Variants in LARGE1 observed in about 807,000 individuals in gnomAD.
LARGE1 encodes the protein LARGE xylosyl- and glucuronyltransferase 1.
A neutral mutation model predicts 87.6 loss-of-function variants in LARGE1; 43 were observed. The ratio of observed to expected loss-of-function variants is 0.49; its 90% confidence interval spans 0.38 to 0.63. LARGE1 has a LOEUF of 0.63. LARGE1 is among the 30% of genes least tolerant of loss of function. LARGE1 has a pLI of 0.00. For synonymous variants in LARGE1, 434 were observed against 394.6 expected (o/e 1.10, Z -1.18); for missense variants, 802 against 1,000.2 (o/e 0.80, Z 2.67).
chr22:33,671,816 T>C (rs2081422753), intron 2 of LARGE1, among the ~76,000 whole-genome samples: 1 of 152,216 alleles, frequency 6.6e-6, no homozygotes, highest in South Asian at 2.1e-4. Flanking sequence ...ATCGCCAAGG[T>C]CTGATTGCAA....
intron 11 of LARGE1, among the ~76,000 whole-genome samples, chr22:33,223,081 C>T (rs1202097781): frequency 6.6e-6 from 1 of 152,180 alleles, no homozygotes; most frequent in Non-Finnish European, 1.5e-5. Context: ...GTGCCTTATT[C>T]AGGGTTAGTT....
At chr22:33,166,609 A>G (rs1464193824) in exon 12 of LARGE1, 4 of 376,904 alleles carry the variant, frequency 1.1e-5, no homozygotes, top group African/African-American at 8.5e-5. Context: ...GATGATGTTC[A>G]CCTGGCATGT....
At chr22:33,297,906 G>C (rs1033661610) in intron 12 of LARGE1, among the ~76,000 whole-genome samples, 3 of 149,014 alleles carry the variant, frequency 2.0e-5, no homozygotes, top group African/African-American at 7.4e-5. Context: ...CTTGAACCCG[G>C]GAGGCAGAGG....
rs1026355810 is a variant in LARGE1, at chr22:33,628,005, G to C, written c.409-1679C>G. On this transcript the variant is annotated intron_variant, in intron 3 of 14. Coordinates refer to ENST00000397394, the MANE Select transcript of LARGE1 (RefSeq NM_133642.5). Reference sequence around the variant, plus strand: ...GAACCATCACCCCACTCTGCTCTCAGCTCCCGTATGCACTCTACCCCCACA... The same window carrying C: ...GAACCATCACCCCACTCTGCTCTCACCTCCCGTATGCACTCTACCCCCACA... Among the ~76,000 whole-genome samples, 30 of 152,080 alleles carry C rather than the reference G, an allele frequency of 2.0e-4. 2 individuals carry two copies.
At chr22:33,868,678 T>C (rs1250451930) in intron 1 of LARGE1, among the ~76,000 whole-genome samples, 3 of 152,152 alleles carry the variant, frequency 2.0e-5, no homozygotes, top group Admixed American at 6.5e-5. Flanking sequence ...TGCCTCTTAT[T>C]AAAAACTCCT....
intron 5 of LARGE1, among the ~76,000 whole-genome samples, chr22:33,583,256 A>T (rs936660482): frequency 2.0e-5 from 3 of 152,210 alleles, no homozygotes; most frequent in Non-Finnish European, 4.4e-5. Flanking sequence ...GTCAGCTGTA[A>T]AAATGAATCT....
At chr22:33,538,029 T>C (rs2077090291) in intron 6 of LARGE1, among the ~76,000 whole-genome samples, 1 of 152,214 alleles carries the variant, frequency 6.6e-6, no homozygotes, top group Non-Finnish European at 1.5e-5. Context: ...CTTGCAGGCC[T>C]GCTTCCGGTG....
chr22:33,759,984 C>T (rs1358962023), intron 2 of LARGE1, among the ~76,000 whole-genome samples: 1 of 152,202 alleles, frequency 6.6e-6, no homozygotes, highest in East Asian at 1.9e-4. Context: ...CCTGAGCCCT[C>T]CCTGCTAGAC....
chr22:33,445,974 C>T (rs2067673176), intron 6 of LARGE1, among the ~76,000 whole-genome samples: 1 of 152,104 alleles, frequency 6.6e-6, no homozygotes, highest in Non-Finnish European at 1.5e-5. Flanking sequence ...CTTACTAGGC[C>T]CCTAGAGAGC....
chr22:33,676,372 CAAAAAAAAAAAAAAAAA>C (rs10567981), intron 2 of LARGE1, among the ~76,000 whole-genome samples: 497 of 16,342 alleles, frequency 0.03, 14 homozygotes, highest in African/African-American at 0.067. Flanking sequence ...GATTCAATGG[CAAAAAAAAAAAAAAAAA>C]AAAAAAAAAA....
intron 10 of LARGE1, among the ~76,000 whole-genome samples, chr22:33,319,858 T>C (rs905457545): frequency 6.6e-5 from 10 of 152,316 alleles, no homozygotes; most frequent in South Asian, 4.2e-4. Flanking sequence ...CAAATGCTTA[T>C]AGCATTCTCC....
the LARGE1 span, among the ~76,000 whole-genome samples, chr22:33,154,716 T>C: frequency 6.6e-6 from 1 of 151,958 alleles, no homozygotes; most frequent in African/African-American, 2.4e-5. Context: ...AAATGGAAAA[T>C]ATTTATTTAT....
chr22:33,651,108 C>A (rs240335), intron 2 of LARGE1, among the ~76,000 whole-genome samples: 72,791 of 150,704 alleles, frequency 0.48, 20,432 homozygotes, highest in Middle Eastern at 0.66. Context: ...ATAGGCCAGG[C>A]GCAGTGGCTC....
intron 1 of LARGE1, among the ~76,000 whole-genome samples, chr22:33,838,888 A>C (rs2063188558): frequency 6.6e-6 from 1 of 152,114 alleles, no homozygotes; most frequent in Admixed American, 6.6e-5. Context: ...AGGGAGGAAA[A>C]AAATGAAAGG....
At chr22:33,823,209 A>C (rs2062688525) in intron 1 of LARGE1, among the ~76,000 whole-genome samples, 1 of 152,182 alleles carries the variant, frequency 6.6e-6, no homozygotes, top group African/African-American at 2.4e-5. Flanking sequence ...AAAATTCATG[A>C]GCTTCAACAC....
chr22:33,525,263 T>C (rs5998994), intron 6 of LARGE1, among the ~76,000 whole-genome samples: 7,483 of 152,134 alleles, frequency 0.049, 356 homozygotes, highest in African/African-American at 0.13. Flanking sequence ...TCAAAGAAAA[T>C]ATGTCTTCAA....
At chr22:33,512,803 C>A (rs1275465482) in intron 6 of LARGE1, among the ~76,000 whole-genome samples, 1 of 152,122 alleles carries the variant, frequency 6.6e-6, no homozygotes. Flanking sequence ...AACTCCATCT[C>A]AAAAATAAAT....
chr22:33,172,860 GAAAAGACCAA>G (rs1555879641), intron 11 of LARGE1, among the ~76,000 whole-genome samples: 2 of 152,168 alleles, frequency 1.3e-5, no homozygotes, highest in Non-Finnish European at 2.9e-5. Context: ...GGGGCTATGT[GAAAAGACCAA>G]ATCTACATTT....
At chr22:33,443,057 G>A (rs756936222) in intron 6 of LARGE1, among the ~76,000 whole-genome samples, 3 of 152,132 alleles carry the variant, frequency 2.0e-5, no homozygotes, top group Non-Finnish European at 2.9e-5. Flanking sequence ...CTCCCAAAGT[G>A]TTGGGATTAC....
Sources: allele counts gnomAD v4.1 joint callset (sites outside exome capture counted in the v4.1 genomes callset), GRCh38; gene constraint gnomAD v4.1.1; transcripts MANE v1.5; gene names NCBI Gene and HGNC (gene_info 2026-07-23, HGNC 2026-07-21).